Variants in GFRA2 observed in about 807,000 individuals in gnomAD.
GFRA2 encodes GDNF family receptor alpha 2.
A neutral mutation model predicts 48.3 loss-of-function variants in GFRA2; 17 were observed. The observed-to-expected ratio is 0.35, with a 90% CI of 0.24 to 0.53. The LOEUF (loss-of-function observed/expected upper bound fraction) is 0.53, where lower values mean the gene tolerates loss of function less well. Among genes scored for constraint, GFRA2 ranks in the 20% least tolerant of loss-of-function variants. The probability of loss-of-function intolerance (pLI) is 0.93; values close to 1 mark genes in which losing one functional copy is unlikely to be tolerated. For missense variants in GFRA2, 660 were observed against 637.3 expected, an observed-to-expected ratio of 1.04 and a Z score of -0.38; for synonymous variants, 305 against 257.2, an observed-to-expected ratio of 1.19 and a Z score of -1.78.
chr8:21,699,884 C>T (rs1295906184), intron 7 of GFRA2, among the ~76,000 whole-genome samples: 2 of 152,214 alleles, frequency 1.3e-5, no homozygotes, highest in Non-Finnish European at 2.9e-5. Flanking sequence ...CACCCAGCTA[C>T]GCAGGGTGAC....
At position 21,788,202 on chromosome 8, in the gene GFRA2, A is replaced by G. The variant is rs1807381688; in HGVS notation, c.-43T>C. ...GTTTTTTTGTCTTTCTCCCTTGGGT[A>G]AAAAAAAATAATAGTAGTAACAACA... On this transcript the variant is annotated 5_prime_UTR_variant, in exon 1 of 9. Transcript: ENST00000524240. 1.4e-6 allele frequency: 2 copies of G among 1,466,640 alleles called. No individual in the cohort carries two copies. The highest frequency in any genetic ancestry group is 1.8e-6 in the Non-Finnish European group (2 of 1,083,676). The allele number at this position is 1,466,640 out of a possible 1,614,324, so 90.9% of individuals were successfully genotyped here.
At chr8:21,771,193 A>G (rs1212972481) in intron 3 of GFRA2, among the ~76,000 whole-genome samples, 2 of 152,102 alleles carry the variant, frequency 1.3e-5, no homozygotes, top group East Asian at 1.9e-4. Context: ...GGCCACAGTG[A>G]GCCCCAAGAT....
At chr8:21,797,678 C>T (rs1446886168) in intron 2 of GFRA2, 1 of 152,128 alleles carries the variant, frequency 6.6e-6, no homozygotes, top group Admixed American at 6.5e-5. Flanking sequence ...CCATCTTTGT[C>T]TACTACAGGC....
intron 3 of GFRA2, among the ~76,000 whole-genome samples, chr8:21,759,434 G>T (rs1258226050): frequency 3.2e-5 from 3 of 94,454 alleles, no homozygotes; most frequent in African/African-American, 4.7e-5. Context: ...AAGAGGGAAA[G>T]AGGGAGGGAG....
Position 21,693,217 on chromosome 8 carries a change from C to A in GFRA2, c.*61G>T. 1 of 1,528,048 alleles carries A rather than the reference C, an allele frequency of 6.5e-7. No homozygotes were observed. The highest frequency in any genetic ancestry group is 1.2e-5 in the South Asian group (1 of 80,484). The allele number at this position is 1,528,048 out of a possible 1,614,324, so 94.7% of individuals were successfully genotyped here. A position where few individuals can be genotyped will look rare whatever the true frequency, so the allele number is the denominator to read the frequency against. On this transcript the variant is annotated 3_prime_UTR_variant, in exon 9 of 9. Coordinates refer to ENST00000524240, the MANE Select transcript of GFRA2 (RefSeq NM_001495.5). ...TGTGTGTCTGTGTGTGTTTCCATTT[C>A]GTCAGGCGGCTGTTCTTGTCTGCGT... is the stretch of plus-strand genomic sequence containing the variant.
At chr8:21,694,572 C>T in intron 7 of GFRA2, 55 bp from the exon 8 acceptor site, 9 of 1,550,406 alleles carry the variant, frequency 5.8e-6, no homozygotes, top group Non-Finnish European at 5.3e-6. Flanking sequence ...CCTGGCTGGG[C>T]TTTGTCCAGA....
intron 4 of GFRA2, among the ~76,000 whole-genome samples, chr8:21,742,526 C>G (rs1295187206): frequency 1.3e-5 from 2 of 152,160 alleles, no homozygotes; most frequent in African/African-American, 4.8e-5. Context: ...TATGATATTC[C>G]GTTACAGCAG....
intron 4 of GFRA2, among the ~76,000 whole-genome samples, chr8:21,737,364 G>A (rs1310375057): frequency 6.7e-6 from 1 of 148,166 alleles, no homozygotes; most frequent in Non-Finnish European, 1.5e-5. Context: ...GTGAGACTCC[G>A]TCTCAAAAAA....
chr8:21,775,795 A>T (rs971085960), intron 2 of GFRA2, among the ~76,000 whole-genome samples: 1,679 of 152,020 alleles, frequency 0.011, 27 homozygotes, highest in African/African-American at 0.038. Flanking sequence ...CCTTTCCTCG[A>T]GGCTTTGGGT....
chr8:21,787,777 T>C (rs372502419), intron 1 of GFRA2, among the ~76,000 whole-genome samples: 2,924 of 152,272 alleles, frequency 0.019, 73 homozygotes, highest in African/African-American at 0.065. Flanking sequence ...TATTTTTTTT[T>C]CTTAAGTTGC....
chr8:21,750,791 G>T lies in GFRA2; in HGVS notation c.591C>A (p.Arg197=). ...REISPTERCN[R]RKCHKALRQF... ...GGCGCAGGGCCTTGTGGCACTTGCGGCGGTTGCAGCGCTCGGTGGGCGAGA... is the reference window on the plus strand; with the variant it reads ...GGCGCAGGGCCTTGTGGCACTTGCGTCGGTTGCAGCGCTCGGTGGGCGAGA... Residue 197 remains arginine (R), a synonymous_variant, in exon 4 of 9, where the codon CGC becomes CGA. Transcript: ENST00000524240. The surrounding 1 kb of genome is among the most constrained non-coding windows in gnomAD (Gnocchi z 5.7). The T allele has an allele frequency of 6.2e-7, 1 of 1,614,052 alleles. No individual in the cohort carries two copies. Among genetic ancestry groups the T allele is most frequent in the Non-Finnish European group, 8.5e-7 (1 of 1,179,908 alleles).
At chr8:21,761,593 T>C (rs1805912949) in intron 3 of GFRA2, among the ~76,000 whole-genome samples, 1 of 152,216 alleles carries the variant, frequency 6.6e-6, no homozygotes, top group Non-Finnish European at 1.5e-5. Flanking sequence ...AGGGACAATG[T>C]GGATGAAAAT....
chr8:21,768,603 C>T (rs1204630060), intron 3 of GFRA2, among the ~76,000 whole-genome samples: 8 of 152,232 alleles, frequency 5.3e-5, no homozygotes, highest in African/African-American at 1.9e-4. Flanking sequence ...GGGAGCCGAC[C>T]CAGGGAAGGC....
intron 4 of GFRA2, among the ~76,000 whole-genome samples, chr8:21,733,109 G>A (rs1051772688): frequency 9.2e-5 from 14 of 152,152 alleles, no homozygotes; most frequent in Non-Finnish European, 1.6e-4. Flanking sequence ...CTGTTTGATT[G>A]CAAAATCCAT....
chr8:21,775,695 C>G (rs1806657608), intron 2 of GFRA2, among the ~76,000 whole-genome samples: 1 of 152,194 alleles, frequency 6.6e-6, no homozygotes, highest in Admixed American at 6.5e-5. Context: ...AAGGTCTGCT[C>G]AGTGGGTGGG....
intron 8 of GFRA2, among the ~76,000 whole-genome samples, chr8:21,693,618 T>G (rs1003064401): frequency 1.3e-5 from 2 of 151,912 alleles, no homozygotes; most frequent in African/African-American, 4.8e-5. Context: ...GCTCTGTCCC[T>G]TCTGGTCACA....
intron 3 of GFRA2, among the ~76,000 whole-genome samples, chr8:21,758,371 A>G (rs1023363066): frequency 6.6e-6 from 1 of 152,104 alleles, no homozygotes; most frequent in Non-Finnish European, 1.5e-5. Flanking sequence ...AGACTTTCCA[A>G]TCGCAAATGT....
chr8:21,694,077 T>TATATATATATATA lies in GFRA2; in HGVS notation c.1272+386_1272+387insTATATATATATAT, dbSNP rs1338101835. Among the ~76,000 whole-genome samples, 182 of 109,260 alleles carry TATATATATATATA rather than the reference T, an allele frequency of 1.7e-3. 18 individuals are homozygous for TATATATATATATA. Among genetic ancestry groups the TATATATATATATA allele is most frequent in the Non-Finnish European group, 1.9e-3 (93 of 50,144 alleles). The allele number at this position is 109,260 out of a possible 152,430, so 71.7% of individuals were successfully genotyped here. Reference sequence around the variant, plus strand: ...TATTTATATATATATTTATTTATTTTTATATATATATATATTTCCTATAGT... The same window carrying TATATATATATATA: ...TATTTATATATATATTTATTTATTTTATATATATATATATATATATATATATATTTCCTATAGT... On this transcript the variant is annotated intron_variant, in intron 8 of 8. Transcript: ENST00000524240.
chr8:21,725,417 G>T (rs1402023514), intron 4 of GFRA2, among the ~76,000 whole-genome samples: 1 of 152,204 alleles, frequency 6.6e-6, no homozygotes, highest in Non-Finnish European at 1.5e-5. Flanking sequence ...CTGGGGCGGG[G>T]GGACAGACAC....
Sources: allele counts gnomAD v4.1 joint callset (sites outside exome capture counted in the v4.1 genomes callset), GRCh38; gene constraint gnomAD v4.1.1; non-coding constraint Gnocchi (gnomAD v3.1); transcripts MANE v1.5; gene names NCBI Gene and HGNC (gene_info 2026-07-23, HGNC 2026-07-21).